ZFHX4: variants seen among roughly 807,000 people sequenced by gnomAD.
The protein encoded by ZFHX4 is zinc finger homeobox 4.
Under a neutral mutation model 267.6 loss-of-function variants are expected in ZFHX4, and 56 were observed. That is an observed-to-expected ratio of 0.21 (90% CI 0.17 to 0.26). The LOEUF (loss-of-function observed/expected upper bound fraction) is 0.26. ZFHX4 is among the 10% of genes least tolerant of loss of function. The pLI is 1.00. For synonymous variants in ZFHX4, 1,778 were observed against 1,665.6 expected (o/e 1.07, Z -1.64); for missense variants, 4,332 against 4,420.0 (o/e 0.98, Z 0.56).
intron 4 of ZFHX4, among the ~76,000 whole-genome samples, chr8:76,788,530 C>T (rs1044529380): frequency 3.3e-5 from 5 of 152,166 alleles, no homozygotes; most frequent in South Asian, 2.1e-4. Context: ...TAACATCATC[C>T]GTGCTGTTCA....
rs1585867098 is a variant in ZFHX4, at chr8:76,706,698, C to T, written c.2590+20C>T. 1.4e-5 allele frequency: 22 copies of T among 1,531,374 alleles called. No individual in the cohort carries two copies. The East Asian group carries it at 1.6e-4, about 11-fold the overall frequency. The allele number at this position is 1,531,374 out of a possible 1,614,324, so 94.9% of individuals were successfully genotyped here. ...GGCTCGGTTAGTATTTCCTGCTTTTCTGCACTGTTGTTAGTTTCTAATCAC... is the reference window on the plus strand; with the variant it reads ...GGCTCGGTTAGTATTTCCTGCTTTTTTGCACTGTTGTTAGTTTCTAATCAC... On this transcript the variant is annotated intron_variant, in intron 2 of 10. Transcript: ENST00000651372.
intron 3 of ZFHX4, among the ~76,000 whole-genome samples, chr8:76,773,297 A>G (rs1247261706): frequency 6.6e-6 from 1 of 152,176 alleles, no homozygotes; most frequent in Non-Finnish European, 1.5e-5. Flanking sequence ...TAATACATTC[A>G]GATAAATGGA....
chr8:76,768,772 T>C (rs946782225), intron 3 of ZFHX4, among the ~76,000 whole-genome samples: 1 of 152,158 alleles, frequency 6.6e-6, no homozygotes, highest in Non-Finnish European at 1.5e-5. Flanking sequence ...TTAGGAATCT[T>C]AATTTATGAG....
At position 76,853,130 on chromosome 8, in the gene ZFHX4, C is replaced by T. The variant is rs534760071; in HGVS notation, c.6209C>T (p.Pro2070Leu). 2.0e-6 allele frequency: 3 copies of T among 1,497,900 alleles called. No homozygotes were observed. Among genetic ancestry groups the T allele is most frequent in the South Asian group, 1.2e-5 (1 of 83,260 alleles). 92.8% of individuals were successfully genotyped at this position (1,497,900 alleles called of 1,614,324 possible). ...TCTGCTCCTCCACAGGTCCAACTGC[C>T]GGTTTCTCTGGACCTGCCGCTCTTT... is the stretch of plus-strand genomic sequence containing the variant. The part of the protein sequence containing the change: ...PPSAPPQVQL[P>L]VSLDLPLFPS... Residue 2070 changes from proline to leucine, a missense_variant, in exon 10 of 11, where the codon CCG becomes CTG. This residue lies in a region of ZFHX4 where 1,371 missense variants were observed against 1,423.1 expected (regional missense o/e 0.96). Transcript: ENST00000651372.
At chr8:76,862,626 G>T (rs1309562858) in intron 10 of ZFHX4, among the ~76,000 whole-genome samples, 1 of 152,130 alleles carries the variant, frequency 6.6e-6, no homozygotes, top group Non-Finnish European at 1.5e-5. Flanking sequence ...CATTGTATTT[G>T]ATAGCTAATT....
chr8:76,726,801 G>A (rs1808865623), intron 3 of ZFHX4, among the ~76,000 whole-genome samples: 2 of 152,108 alleles, frequency 1.3e-5, no homozygotes, highest in African/African-American at 4.8e-5. Context: ...CCTGCAAATA[G>A]ATTACCTTAT....
At chr8:76,829,280 C>T (rs113880474) in intron 4 of ZFHX4, among the ~76,000 whole-genome samples, 3,769 of 111,626 alleles carry the variant, frequency 0.034, 155 homozygotes, top group African/African-American at 0.12. Flanking sequence ...TTAGCCGGGG[C>T]GGGGGGCGGG....
intron 3 of ZFHX4, among the ~76,000 whole-genome samples, chr8:76,754,938 G>A (rs1399769587): frequency 6.6e-6 from 1 of 152,146 alleles, no homozygotes; most frequent in Non-Finnish European, 1.5e-5. Flanking sequence ...GAACAGGCAT[G>A]CATTTTTTAA....
intron 5 of ZFHX4, among the ~76,000 whole-genome samples, chr8:76,835,797 C>G (rs2131898575): frequency 6.6e-6 from 1 of 152,184 alleles, no homozygotes; most frequent in Non-Finnish European, 1.5e-5. Flanking sequence ...AGATTACTTC[C>G]TGTCAATATA....
At chr8:76,817,568 G>A (rs1023002629) in intron 4 of ZFHX4, among the ~76,000 whole-genome samples, 11 of 152,204 alleles carry the variant, frequency 7.2e-5, no homozygotes, top group Admixed American at 1.3e-4. Flanking sequence ...AATGTGTTTG[G>A]ACTTCAAAGA....
intron 4 of ZFHX4, among the ~76,000 whole-genome samples, chr8:76,789,893 T>A (rs1810789515): frequency 6.6e-6 from 1 of 152,162 alleles, no homozygotes; most frequent in African/African-American, 2.4e-5. Context: ...CTTCTGAGAT[T>A]TTACGGTTTG....
In ZFHX4 at chr8:76,729,119, A is replaced by T. The variant is rs116666076; in HGVS notation, c.3093+21071A>T. 8.9e-3 allele frequency among the ~76,000 whole-genome samples: 1,362 copies of T among 152,314 alleles called. 19 individuals carry two copies. Among genetic ancestry groups the T allele is most frequent in the African/African-American group, 0.031 (1,278 of 41,576 alleles). ...AATTTGTTTAACTAAAAATCCTTTAATAGGACACATACAATCATAAAAAGA... is the reference window on the plus strand; with the variant it reads ...AATTTGTTTAACTAAAAATCCTTTATTAGGACACATACAATCATAAAAAGA... On this transcript the variant is annotated intron_variant, in intron 3 of 10. Coordinates refer to ENST00000651372, the MANE Select transcript of ZFHX4 (RefSeq NM_024721.5).
intron 4 of ZFHX4, among the ~76,000 whole-genome samples, chr8:76,806,000 A>G (rs1184118453): frequency 6.6e-6 from 1 of 152,172 alleles, no homozygotes; most frequent in East Asian, 1.9e-4. Flanking sequence ...TGATCCTGAA[A>G]TAAACACTAC....
chr8:76,816,314 C>T (rs751570020), intron 4 of ZFHX4, among the ~76,000 whole-genome samples: 26 of 152,084 alleles, frequency 1.7e-4, no homozygotes, highest in Non-Finnish European at 3.4e-4. Context: ...TTTTTTTAAA[C>T]GTCATAATAG....
Position 76,863,986 on chromosome 8 carries a change from C to A in ZFHX4, c.10272C>A (p.Ser3424=). 1 of 1,613,530 alleles carries A rather than the reference C, an allele frequency of 6.2e-7. No individual in the cohort carries two copies. Among genetic ancestry groups the A allele is most frequent in the South Asian group, 1.1e-5 (1 of 91,032 alleles). ...DEDAAVNHQK[S]FCYFGQPLID... is the part of the protein sequence containing the mutation. Reference sequence around the variant, plus strand: ...ACGCCGCAGTAAATCATCAAAAGTCCTTCTGTTATTTCGGTCAGCCTTTGA... The same window carrying A: ...ACGCCGCAGTAAATCATCAAAAGTCATTCTGTTATTTCGGTCAGCCTTTGA... Residue 3424 remains serine, a synonymous_variant, in exon 11 of 11, where the codon TCC becomes TCA. Coordinates refer to ENST00000651372, the MANE Select transcript of ZFHX4 (RefSeq NM_024721.5).
intron 3 of ZFHX4, among the ~76,000 whole-genome samples, chr8:76,770,167 G>T (rs1810224157): frequency 6.6e-6 from 1 of 152,120 alleles, no homozygotes; most frequent in Admixed American, 6.6e-5. Context: ...AATAAATCTT[G>T]CTATAAGTGA....
chr8:76,734,353 G>GT (rs1809102902), intron 3 of ZFHX4, among the ~76,000 whole-genome samples: 2 of 152,138 alleles, frequency 1.3e-5, no homozygotes, highest in Non-Finnish European at 2.9e-5. Flanking sequence ...ATTTAGTTTA[G>GT]TAATTGTAAT....
intron 1 of ZFHX4, among the ~76,000 whole-genome samples, chr8:76,686,353 G>A (rs1807692673): frequency 6.6e-6 from 1 of 152,114 alleles, no homozygotes; most frequent in African/African-American, 2.4e-5. Context: ...TGATTCTGAG[G>A]TGTGACATTA....
At position 76,863,090 on chromosome 8, in the gene ZFHX4, T is replaced by G; in HGVS notation, c.9380-4T>G. 6.7e-7 allele frequency: 1 copy of G among 1,498,780 alleles called. No individual in the cohort carries two copies. Among genetic ancestry groups the G allele is most frequent in the South Asian group, 1.4e-5 (1 of 73,184 alleles). 92.8% of individuals were successfully genotyped at this position (1,498,780 alleles called of 1,614,324 possible). ...AGTGGCCATCTCTCTGTTGTTGTTTTCAGCTTTAACACCTCCCGGTGCAGG... is the reference window on the plus strand; with the variant it reads ...AGTGGCCATCTCTCTGTTGTTGTTTGCAGCTTTAACACCTCCCGGTGCAGG... On this transcript the variant is annotated splice_polypyrimidine_tract_variant and splice_region_variant and intron_variant, in intron 10 of 10. Transcript: ENST00000651372.
Sources: gnomAD v4.1 joint callset for allele counts (sites outside exome capture counted in the v4.1 genomes callset) on GRCh38, gnomAD v4.1.1 for gene constraint, gnomAD v4.1.1 regional missense constraint, MANE v1.5 for transcripts, NCBI Gene and HGNC (gene_info 2026-07-23, HGNC 2026-07-21) for gene names.